The following NUBPL variants were observed in gnomAD, a reference collection of about 807,000 sequenced individuals.
The protein encoded by NUBPL is NUBP iron-sulfur cluster assembly factor, mitochondrial.
NUBPL carries 31 observed loss-of-function variants against 45.7 expected under a neutral mutation model. That is an observed-to-expected ratio of 0.68 (90% CI 0.51 to 0.92). NUBPL has a LOEUF of 0.92. NUBPL is among the 40% of genes least tolerant of loss of function. NUBPL has a pLI of 0.00. For synonymous variants in NUBPL, 144 were observed against 140.9 expected, an observed-to-expected ratio of 1.02 and a Z score of -0.15; for missense variants, 401 against 398.7, an observed-to-expected ratio of 1.01 and a Z score of -0.05.
intron 4 of NUBPL, among the ~76,000 whole-genome samples, chr14:31,669,295 CTTG>C (rs1371285736): frequency 2.6e-5 from 4 of 152,100 alleles, no homozygotes; most frequent in East Asian, 3.9e-4. Context: ...ACATTATTTC[CTTG>C]TTGTGGGAAC....
intron 6 of NUBPL, chr14:31,686,778 A>G (rs889293417): frequency 1.3e-5 from 2 of 152,168 alleles, no homozygotes; most frequent in East Asian, 3.8e-4. Flanking sequence ...ATTTTAGTAT[A>G]TGTGCTGCTG....
chr14:31,665,915 T>C (rs1010474178), intron 4 of NUBPL, among the ~76,000 whole-genome samples: 2 of 152,162 alleles, frequency 1.3e-5, no homozygotes, highest in Admixed American at 6.5e-5. Flanking sequence ...CGGGTGCTCC[T>C]GTATTGGGTG....
intron 6 of NUBPL, among the ~76,000 whole-genome samples, chr14:31,767,377 G>A (rs2138749875): frequency 6.6e-6 from 1 of 151,926 alleles, no homozygotes; most frequent in South Asian, 2.1e-4. Context: ...TAATTTTTTT[G>A]TATTTTTAGT....
intron 4 of NUBPL, among the ~76,000 whole-genome samples, chr14:31,625,068 A>G (rs1296043430): frequency 6.6e-6 from 1 of 152,302 alleles, no homozygotes; most frequent in East Asian, 1.9e-4. Context: ...GGAGTCAAGT[A>G]TAGGATTGAG....
intron 6 of NUBPL, among the ~76,000 whole-genome samples, chr14:31,731,939 A>T (rs8018230): frequency 0.25 from 37,610 of 151,826 alleles, 9,771 homozygotes; most frequent in African/African-American, 0.66. Context: ...GCGGTGGCTC[A>T]TATCTGTAAT....
chr14:31,632,946 CT>C (rs2035383119), intron 4 of NUBPL, among the ~76,000 whole-genome samples: 2 of 152,256 alleles, frequency 1.3e-5, no homozygotes, highest in South Asian at 4.1e-4. Context: ...CATATTTCTA[CT>C]TTTAAATTAT....
intron 6 of NUBPL, among the ~76,000 whole-genome samples, chr14:31,734,649 G>A (rs748056077): frequency 6.6e-6 from 1 of 151,784 alleles, no homozygotes; most frequent in African/African-American, 2.4e-5. Context: ...ATTATTTTGT[G>A]CTTTTTAGTT....
chr14:31,575,420 A>G (rs2033692460), intron 3 of NUBPL, among the ~76,000 whole-genome samples: 2 of 152,164 alleles, frequency 1.3e-5, no homozygotes, highest in African/African-American at 4.8e-5. Context: ...TTTTGCCTGT[A>G]CCTACCTAAT....
chr14:31,767,694 TA>T (rs2038938323), intron 6 of NUBPL, among the ~76,000 whole-genome samples: 1 of 145,582 alleles, frequency 6.9e-6, no homozygotes, highest in South Asian at 2.1e-4. Context: ...TGTGTTTTTT[TA>T]TTTTGTTTTG....
At chr14:31,594,393 A>G (rs1176415963) in intron 3 of NUBPL, among the ~76,000 whole-genome samples, 3 of 152,204 alleles carry the variant, frequency 2.0e-5, no homozygotes, top group Non-Finnish European at 4.4e-5. Context: ...AGCATGGGCG[A>G]CAGAGCAAGA....
chr14:31,610,036 C>T (rs187388754), intron 4 of NUBPL, among the ~76,000 whole-genome samples: 135 of 151,248 alleles, frequency 8.9e-4, no homozygotes, highest in African/African-American at 3.1e-3. Context: ...AAACTACACC[C>T]GAAATTAGTA....
At chr14:31,772,474 A>G (rs899241788) in intron 6 of NUBPL, among the ~76,000 whole-genome samples, 2 of 152,200 alleles carry the variant, frequency 1.3e-5, no homozygotes, top group Non-Finnish European at 2.9e-5. Flanking sequence ...TCTATAATTA[A>G]CTGAAATACT....
intron 3 of NUBPL, chr14:31,578,079 G>A (rs1451537553): frequency 1.7e-5 from 13 of 765,998 alleles, no homozygotes; most frequent in East Asian, 1.3e-4. Flanking sequence ...AGTTTTGAAT[G>A]CATTACTGGG....
chr14:31,761,426 C>A (rs1027796605), intron 6 of NUBPL, among the ~76,000 whole-genome samples: 28 of 152,290 alleles, frequency 1.8e-4, no homozygotes, highest in African/African-American at 6.7e-4. Context: ...TAGACTCAAG[C>A]AGCATCAATA....
chr14:31,790,782 T>C (rs1198432588), intron 7 of NUBPL, among the ~76,000 whole-genome samples: 1 of 151,662 alleles, frequency 6.6e-6, no homozygotes, highest in African/African-American at 2.4e-5. Context: ...AGCTGGGAGG[T>C]GGAGCTTGCA....
intron 7 of NUBPL, among the ~76,000 whole-genome samples, chr14:31,822,830 C>T (rs1412553028): frequency 1.3e-5 from 2 of 151,972 alleles, no homozygotes; most frequent in African/African-American, 2.4e-5. Flanking sequence ...TTAATTTGTT[C>T]GAATGGTGCT....
At chr14:31,585,550 T>C (rs2139508807) in intron 3 of NUBPL, among the ~76,000 whole-genome samples, 1 of 152,374 alleles carries the variant, frequency 6.6e-6, no homozygotes, top group Non-Finnish European at 1.5e-5. Context: ...TCAGTTCTCT[T>C]AGATATATAC....
Position 31,860,646 on chromosome 14 carries a change from T to C in NUBPL, c.*1466T>C, listed in dbSNP as rs938649627. The C allele has an allele frequency of 6.6e-6, 1 of 152,198 alleles. No individual in the cohort carries two copies. The highest frequency in any genetic ancestry group is 1.5e-5 in the Non-Finnish European group (1 of 68,036). 9.4% of individuals were successfully genotyped at this position (152,198 alleles called of 1,614,324 possible). On this transcript the variant is annotated 3_prime_UTR_variant, in exon 11 of 11. Transcript: ENST00000281081. ...CAGTTGTCAACTAGAAAATTAGGCA[T>C]AGAGTTTCACATTATTATAAGCATG... is the stretch of plus-strand genomic sequence containing the variant.
chr14:31,835,188 G>A (rs1012347262), intron 8 of NUBPL, among the ~76,000 whole-genome samples: 1 of 152,216 alleles, frequency 6.6e-6, no homozygotes, highest in Non-Finnish European at 1.5e-5. Flanking sequence ...GCAGCACTGG[G>A]TGGTAAGGAT....
Sources: allele counts gnomAD v4.1 joint callset (sites outside exome capture counted in the v4.1 genomes callset), GRCh38; gene constraint gnomAD v4.1.1; transcripts MANE v1.5; gene names NCBI Gene and HGNC (gene_info 2026-07-23, HGNC 2026-07-21).